Variants in NEGR1 observed in about 807,000 individuals in gnomAD.
The protein encoded by NEGR1 is neuronal growth regulator 1, also known as IgLON family member 4.
NEGR1 carries 10 observed loss-of-function variants against 40.9 expected under a neutral mutation model. The ratio of observed to expected loss-of-function variants is 0.24; its 90% CI spans 0.15 to 0.42. The LOEUF is 0.42. Among genes scored for constraint, NEGR1 ranks in the 10% least tolerant of loss-of-function variants. The pLI, the probability that NEGR1 is intolerant of heterozygous loss-of-function variation, is 1.00. For synonymous variants in NEGR1, 185 were observed against 166.8 expected (o/e 1.11, Z -0.84); for missense variants, 352 against 438.9 (o/e 0.80, Z 1.77).
rs143845179 is a variant in NEGR1, at chr1:71,543,902, A to T, written c.940+48915T>A. On this transcript the variant is annotated intron_variant, in intron 6 of 6. Transcript: ENST00000357731. ...AAAAAGCACTAAGTGGTTAAGTTGGATAGAATGTTTAGCCATTAAAACCAT... is the reference window on the plus strand; with the variant it reads ...AAAAAGCACTAAGTGGTTAAGTTGGTTAGAATGTTTAGCCATTAAAACCAT... Among the ~76,000 whole-genome samples, 68 of 151,864 alleles carry T rather than the reference A, an allele frequency of 4.5e-4. No individual in the cohort carries two copies. In the East Asian group the frequency reaches 0.013, roughly 29 times the overall value.
intron 1 of NEGR1, among the ~76,000 whole-genome samples, chr1:72,092,650 T>A (rs1648543107): frequency 6.6e-6 from 1 of 152,022 alleles, no homozygotes; most frequent in Non-Finnish European, 1.5e-5. Flanking sequence ...TTTCCTTAAC[T>A]TCCTTTTCTT....
At chr1:71,767,304 A>G (rs115335256) in intron 3 of NEGR1, among the ~76,000 whole-genome samples, 2,608 of 152,278 alleles carry the variant, frequency 0.017, 34 homozygotes, top group East Asian at 0.035. Flanking sequence ...GGTCTCAGAT[A>G]GAAATGAGGA....
chr1:71,717,334 T>C (rs112850100), intron 3 of NEGR1, among the ~76,000 whole-genome samples: 3 of 152,358 alleles, frequency 2.0e-5, no homozygotes, highest in African/African-American at 7.2e-5. Flanking sequence ...ATGCATTGTA[T>C]GTCTCTCAGC....
At chr1:71,943,202 T>C (rs1570536699) in intron 1 of NEGR1, among the ~76,000 whole-genome samples, 1 of 149,180 alleles carries the variant, frequency 6.7e-6, no homozygotes, top group Admixed American at 6.7e-5. Context: ...ACTATACATA[T>C]ATGTATAGTT....
chr1:71,853,210 T>C (rs776107926), intron 2 of NEGR1, among the ~76,000 whole-genome samples: 2 of 152,164 alleles, frequency 1.3e-5, no homozygotes, highest in Non-Finnish European at 2.9e-5. Flanking sequence ...ACACGGAATA[T>C]GCATAATTTT....
intron 1 of NEGR1, among the ~76,000 whole-genome samples, chr1:72,045,976 T>C (rs1019836845): frequency 2.0e-5 from 3 of 151,720 alleles, no homozygotes; most frequent in African/African-American, 7.3e-5. Context: ...TGAAATCTGT[T>C]CAAATCTGAA....
At chr1:71,702,667 G>C (rs1653736077) in intron 3 of NEGR1, among the ~76,000 whole-genome samples, 1 of 148,058 alleles carries the variant, frequency 6.8e-6, no homozygotes, top group Admixed American at 6.8e-5. Flanking sequence ...TTATATTTAG[G>C]AACAATGGCC....
At chr1:71,808,158 C>G (rs1657848900) in intron 2 of NEGR1, among the ~76,000 whole-genome samples, 1 of 152,018 alleles carries the variant, frequency 6.6e-6, no homozygotes, top group Non-Finnish European at 1.5e-5. Context: ...CACCAAACAC[C>G]AAAAAGTTGC....
At chr1:72,099,974 A>C (rs917346249) in intron 1 of NEGR1, among the ~76,000 whole-genome samples, 4 of 152,172 alleles carry the variant, frequency 2.6e-5, no homozygotes, top group African/African-American at 9.6e-5. Flanking sequence ...TAACCATTGC[A>C]TGACAACTGA....
chr1:71,978,269 CTT>C (rs777033356), intron 1 of NEGR1, among the ~76,000 whole-genome samples: 113 of 152,076 alleles, frequency 7.4e-4, no homozygotes, highest in Non-Finnish European at 1.1e-3. Flanking sequence ...TGTTTGTTCT[CTT>C]TGAGTGAACA....
intron 1 of NEGR1, among the ~76,000 whole-genome samples, chr1:72,193,230 T>C (rs1353140642): frequency 6.6e-6 from 1 of 151,840 alleles, no homozygotes; most frequent in Non-Finnish European, 1.5e-5. Context: ...TGCTTTATAA[T>C]TGAAAAGCAA....
intron 1 of NEGR1, among the ~76,000 whole-genome samples, chr1:71,942,594 C>T (rs1570535447): frequency 8.3e-6 from 1 of 120,216 alleles, no homozygotes; most frequent in African/African-American, 3.1e-5. Context: ...CTCCGCCTCC[C>T]GGGTTCACGC....
At chr1:72,194,223 A>C (rs530148877) in intron 1 of NEGR1, among the ~76,000 whole-genome samples, 1 of 151,954 alleles carries the variant, frequency 6.6e-6, no homozygotes, top group Non-Finnish European at 1.5e-5. Flanking sequence ...CTGATAATAT[A>C]TATTATATAA....
At chr1:71,530,688 TTTCACACA>T (rs2101443340) in intron 6 of NEGR1, among the ~76,000 whole-genome samples, 1 of 151,518 alleles carries the variant, frequency 6.6e-6, no homozygotes, top group South Asian at 2.1e-4. Context: ...TTAGACTATT[TTTCACACA>T]TTCATAGTTT....
At chr1:71,567,625 T>C (rs991883773) in intron 6 of NEGR1, among the ~76,000 whole-genome samples, 4 of 152,202 alleles carry the variant, frequency 2.6e-5, no homozygotes, top group African/African-American at 7.2e-5. Flanking sequence ...TTTTCTGTGT[T>C]ATTCATTCTA....
At chr1:71,985,404 T>A (rs562609980) in intron 1 of NEGR1, among the ~76,000 whole-genome samples, 1 of 152,320 alleles carries the variant, frequency 6.6e-6, no homozygotes, top group South Asian at 2.1e-4. Flanking sequence ...AAGCACTTTA[T>A]GTGTAATAGT....
chr1:71,631,656 A>G (rs1306133998), intron 4 of NEGR1, among the ~76,000 whole-genome samples: 1 of 151,866 alleles, frequency 6.6e-6, no homozygotes, highest in Non-Finnish European at 1.5e-5. Flanking sequence ...GGTCTTATAA[A>G]AATTCACATT....
intron 3 of NEGR1, among the ~76,000 whole-genome samples, chr1:71,767,300 A>G (rs1656166569): frequency 6.6e-6 from 1 of 152,188 alleles, no homozygotes; most frequent in Non-Finnish European, 1.5e-5. Flanking sequence ...ATGGGGTCTC[A>G]GATAGAAATG....
chr1:71,729,064 T>G (rs1440523886), intron 3 of NEGR1, among the ~76,000 whole-genome samples: 2 of 152,130 alleles, frequency 1.3e-5, no homozygotes, highest in African/African-American at 4.8e-5. Flanking sequence ...GACCTCTTAT[T>G]CTACTTGCTC....
Sources: gnomAD v4.1 joint callset for allele counts (sites outside exome capture counted in the v4.1 genomes callset) on GRCh38, gnomAD v4.1.1 for gene constraint, MANE v1.5 for transcripts, NCBI Gene and HGNC (gene_info 2026-07-23, HGNC 2026-07-21) for gene names.